Variants in ARGLU1 observed in about 807,000 individuals in gnomAD.
ARGLU1 encodes arginine and glutamate-rich protein 1.
ARGLU1 carries 9 observed loss-of-function variants against 37.6 expected under a neutral mutation model. The observed-to-expected ratio is 0.24, with a 90% confidence interval of 0.14 to 0.42. The LOEUF is 0.42. Ranked by LOEUF, ARGLU1 falls within the 10% of genes least tolerant of loss-of-function variation. The pLI is 1.00. For missense variants in ARGLU1, 211 were observed against 359.2 expected, an observed-to-expected ratio of 0.59 and a Z score of 3.34; for synonymous variants, 166 against 138.5, an observed-to-expected ratio of 1.20 and a Z score of -1.39.
Position 106,557,444 on chromosome 13 carries a change from T to C in ARGLU1, c.574-313A>G. On this transcript the variant is annotated intron_variant, in intron 2 of 3. Coordinates refer to ENST00000400198, the MANE Select transcript of ARGLU1 (RefSeq NM_018011.4). The surrounding 1 kb of genome is among the most constrained non-coding windows in gnomAD (Gnocchi z 5.0). ...ACAAAACTGGATAGTATTTACCAAATTAAAAAAATAATATATAAAATATAA... is the reference window on the plus strand; with the variant it reads ...ACAAAACTGGATAGTATTTACCAAACTAAAAAAATAATATATAAAATATAA... 1 of 821,696 alleles carries C rather than the reference T, an allele frequency of 1.2e-6. No homozygotes were observed. Among genetic ancestry groups the C allele is most frequent in the Non-Finnish European group, 1.7e-6 (1 of 598,076 alleles). The allele number at this position is 821,696 out of a possible 1,614,324, so 50.9% of individuals were successfully genotyped here. A position where few individuals can be genotyped will look rare whatever the true frequency, so the allele number is the denominator to read the frequency against.
Position 106,567,938 on chromosome 13 carries a change from A to C in ARGLU1, c.-19T>G. ...GGCCCATCCTTCCGGGAGACGCTCT[A>C]ACCGCTCGCCTCAGGCCCCTCACGC... On this transcript the variant is annotated 5_prime_UTR_variant, in exon 1 of 4. Coordinates refer to ENST00000400198, the MANE Select transcript of ARGLU1 (RefSeq NM_018011.4). This position sits in a 1 kb window ranked among gnomAD's most constrained non-coding sequence, Gnocchi z 4.3. 2 of 1,597,980 alleles carry C rather than the reference A, an allele frequency of 1.3e-6. No homozygotes were observed. The highest frequency in any genetic ancestry group is 2.2e-5 in the South Asian group (2 of 90,072).
rs1227067320 is a variant in ARGLU1, at chr13:106,541,725, CAAT to C, written c.*2268_*2270del. ...GATAATTCTGCAAACCACAATATGT[CAAT>C]AACTACATACTGTAATAAAAATAAA... On this transcript the variant is annotated 3_prime_UTR_variant, in exon 4 of 4. Transcript: ENST00000400198. 2.6e-5 allele frequency: 4 copies of C among 151,946 alleles called. No homozygotes were observed. The highest frequency in any genetic ancestry group is 5.9e-5 in the Non-Finnish European group (4 of 67,980). The allele number at this position is 151,946 out of a possible 1,614,324, so 9.4% of individuals were successfully genotyped here. A position where few individuals can be genotyped will look rare whatever the true frequency, so the allele number is the denominator to read the frequency against.
chr13:106,558,434 T>C lies in ARGLU1; in HGVS notation c.573+998A>G, dbSNP rs886976958. ...CCAAGATGAAAAATGACAATGAGTC[T>C]TAATTATTTTGAGTCAAATATTTCA... On this transcript the variant is annotated intron_variant, in intron 2 of 3. Transcript: ENST00000400198. 1.4e-5 allele frequency: 14 copies of C among 985,342 alleles called. No individual in the cohort carries two copies. In the African/African-American group the frequency reaches 2.4e-4, roughly 17 times the overall value. The allele number at this position is 985,342 out of a possible 1,614,324, so 61.0% of individuals were successfully genotyped here.
chr13:106,556,351 A>T (rs1372120965), intron 3 of ARGLU1, among the ~76,000 whole-genome samples: 1 of 152,202 alleles, frequency 6.6e-6, no homozygotes, highest in African/African-American at 2.4e-5. Context: ...TCTATTTTTC[A>T]GAAGATGATG....
chr13:106,564,795 G>C (rs1442568539), intron 1 of ARGLU1, among the ~76,000 whole-genome samples: 2 of 152,128 alleles, frequency 1.3e-5, no homozygotes, highest in Non-Finnish European at 2.9e-5. Flanking sequence ...TCCAAAACTA[G>C]TGCTCACAGT....
chr13:106,559,078 A>G, intron 2 of ARGLU1: 3 of 1,222,832 alleles, frequency 2.5e-6, no homozygotes, highest in Non-Finnish European at 3.1e-6. Context: ...ATATACAACC[A>G]CAGGTGGATT....
At chr13:106,549,627 T>C (rs1163416359) in intron 3 of ARGLU1, among the ~76,000 whole-genome samples, 1 of 152,222 alleles carries the variant, frequency 6.6e-6, no homozygotes, top group Admixed American at 6.5e-5. Flanking sequence ...GGGTTTCTAA[T>C]ATGCCAAACC....
intron 1 of ARGLU1, among the ~76,000 whole-genome samples, chr13:106,564,691 A>G (rs1337726586): frequency 6.6e-6 from 1 of 152,082 alleles, no homozygotes; most frequent in Non-Finnish European, 1.5e-5. Context: ...GGGTCATTCC[A>G]TATACTCTCA....
At chr13:106,560,639 T>A (rs548905981) in intron 1 of ARGLU1, among the ~76,000 whole-genome samples, 69 of 152,328 alleles carry the variant, frequency 4.5e-4, no homozygotes, top group African/African-American at 1.6e-3. Context: ...ACTAAAAAAA[T>A]TTTACATTGC....
intron 1 of ARGLU1, among the ~76,000 whole-genome samples, chr13:106,559,917 C>G (rs1443820720): frequency 6.6e-6 from 1 of 152,094 alleles, no homozygotes; most frequent in Non-Finnish European, 1.5e-5. Flanking sequence ...GAGCCTAATT[C>G]ATTAGTTCTA....
rs189604047 is a variant in ARGLU1 at position 106,567,698 on chromosome 13, G to A, written c.222C>T (p.Arg74=). ...CGATGCGGTCGGGCGGGGACGAGGC[G>A]CGCTCCCGGTCCCGCTCGCGCCGGG... The part of the protein sequence containing the change: ...AVSRRERDRE[R]ASSPPDRIDI... The change falls in exon 1 of 4, where the codon CGC becomes CGT. Residue 74 remains arginine, a synonymous_variant. Coordinates refer to ENST00000400198, the MANE Select transcript of ARGLU1 (RefSeq NM_018011.4). This position sits in a 1 kb window ranked among gnomAD's most constrained non-coding sequence, Gnocchi z 4.3. 2.9e-4 allele frequency: 474 copies of A among 1,612,686 alleles called. No individual in the cohort carries two copies. The highest frequency in any genetic ancestry group is 3.6e-4 in the Non-Finnish European group (423 of 1,179,404).
In ARGLU1 at chr13:106,542,804, C is replaced by A. The variant is rs1880294017; in HGVS notation, c.*1192G>T. 6.8e-6 allele frequency: 1 copy of A among 147,026 alleles called. No homozygotes were observed. The highest frequency in any genetic ancestry group is 6.8e-5 in the Admixed American group (1 of 14,698). The allele number at this position is 147,026 out of a possible 1,614,324, so 9.1% of individuals were successfully genotyped here. ...AGATTCTAGTGTATAAAATGAAAGC[C>A]ATTCATAAGATTTCACATGCAAAAA... On this transcript the variant is annotated 3_prime_UTR_variant, in exon 4 of 4. Transcript: ENST00000400198.
chr13:106,543,978 A>G lies in ARGLU1; in HGVS notation c.*18T>C. 1 of 1,564,622 alleles carries G rather than the reference A, an allele frequency of 6.4e-7. No individual in the cohort carries two copies. Among genetic ancestry groups the G allele is most frequent in the Non-Finnish European group, 8.6e-7 (1 of 1,164,482 alleles). On this transcript the variant is annotated 3_prime_UTR_variant, in exon 4 of 4. Transcript: ENST00000400198. ...AAGTTTTTCCATTTTTCTTTGTAAA[A>G]AGTTCAGAGTTTGCAATTTAATCCT...
intron 1 of ARGLU1, among the ~76,000 whole-genome samples, chr13:106,566,735 C>T (rs1880973758): frequency 6.6e-6 from 1 of 152,160 alleles, no homozygotes; most frequent in Admixed American, 6.5e-5. Context: ...CACTAAATAT[C>T]CTTCATGGGA....
intron 1 of ARGLU1, among the ~76,000 whole-genome samples, chr13:106,562,998 A>G (rs923769429): frequency 2.5e-4 from 33 of 131,326 alleles, no homozygotes; most frequent in African/African-American, 8.4e-4. Flanking sequence ...CTCAAAAAAA[A>G]AAAAAAAAAA....
At position 106,567,072 on chromosome 13, in the gene ARGLU1, C is replaced by G. The variant is rs183405071; in HGVS notation, c.347+501G>C. Among the ~76,000 whole-genome samples, 2 of 152,170 alleles carry G rather than the reference C, an allele frequency of 1.3e-5. No individual in the cohort carries two copies. The highest frequency in any genetic ancestry group is 6.5e-5 in the Admixed American group (1 of 15,292). On this transcript the variant is annotated intron_variant, in intron 1 of 3. Coordinates refer to ENST00000400198, the MANE Select transcript of ARGLU1 (RefSeq NM_018011.4). This position sits in a 1 kb window ranked among gnomAD's most constrained non-coding sequence, Gnocchi z 4.3. ...GGCGGACCACCTAAAGTGTATGATT[C>G]CCGAGATTAGTTAAGTCCTGTCCCA...
At chr13:106,560,166 G>C (rs1271617183) in intron 1 of ARGLU1, among the ~76,000 whole-genome samples, 3 of 152,200 alleles carry the variant, frequency 2.0e-5, no homozygotes, top group Non-Finnish European at 4.4e-5. Flanking sequence ...ATAGTGCGTA[G>C]TTTTTACTGA....
Position 106,568,001 on chromosome 13 carries a change from G to A in ARGLU1, c.-82C>T. ...TCGCCTCCGCCTTCGGACGCGGGCTGGCGGTTCTACCGAGGCCGGAGGAAA... is the reference window on the plus strand; with the variant it reads ...TCGCCTCCGCCTTCGGACGCGGGCTAGCGGTTCTACCGAGGCCGGAGGAAA... On this transcript the variant is annotated 5_prime_UTR_variant, in exon 1 of 4. Coordinates refer to ENST00000400198, the MANE Select transcript of ARGLU1 (RefSeq NM_018011.4). The A allele has an allele frequency of 6.6e-7, 1 of 1,504,736 alleles. No individual in the cohort carries two copies. The highest frequency in any genetic ancestry group is 8.8e-7 in the Non-Finnish European group (1 of 1,138,238). 93.2% of individuals were successfully genotyped at this position (1,504,736 alleles called of 1,614,324 possible).
At chr13:106,549,695 A>AC (rs1267868360) in intron 3 of ARGLU1, among the ~76,000 whole-genome samples, 1 of 151,710 alleles carries the variant, frequency 6.6e-6, no homozygotes, top group Non-Finnish European at 1.5e-5. Flanking sequence ...TACTCCCTTT[A>AC]CCCCCTTTTA....
Sources: allele counts gnomAD v4.1 joint callset (sites outside exome capture counted in the v4.1 genomes callset), GRCh38; gene constraint gnomAD v4.1.1; non-coding constraint Gnocchi (gnomAD v3.1); transcripts MANE v1.5; gene names NCBI Gene and HGNC (gene_info 2026-07-23, HGNC 2026-07-21).